Variants in MAEA observed in about 807,000 individuals in gnomAD.
The protein encoded by MAEA is macrophage erythroblast attacher, E3 ubiquitin ligase.
In MAEA, 22 loss-of-function variants were observed where a neutral mutation model predicts 46.2. The observed-to-expected ratio is 0.48, with a 90% CI of 0.34 to 0.68. The LOEUF (loss-of-function observed/expected upper bound fraction) is 0.68. MAEA is among the 30% of genes least tolerant of loss of function. The probability of loss-of-function intolerance (pLI) is 0.01; values close to 1 mark genes in which losing one functional copy is unlikely to be tolerated. For synonymous variants in MAEA, 246 were observed against 222.6 expected, an observed-to-expected ratio of 1.11 and a Z score of -0.94; for missense variants, 393 against 558.1, an observed-to-expected ratio of 0.70 and a Z score of 2.98.
intron 5 of MAEA, 59 bp from the exon 6 acceptor site, chr4:1,332,698 T>C (rs1049405901): frequency 7.4e-7 from 1 of 1,357,416 alleles, no homozygotes; most frequent in African/African-American, 1.4e-5. Context: ...AGTGAAACCC[T>C]GTCTCTAAAA....
intron 3 of MAEA, among the ~76,000 whole-genome samples, chr4:1,317,566 G>A (rs1336792801): frequency 2.0e-5 from 3 of 151,988 alleles, no homozygotes; most frequent in South Asian, 2.1e-4. Flanking sequence ...TGTGGTGTCC[G>A]TCCTGCCCTC....
At chr4:1,315,719 C>T (rs572521651) in intron 3 of MAEA, 119 bp downstream of exon 3, 5 of 819,796 alleles carry the variant, frequency 6.1e-6, no homozygotes, top group African/African-American at 3.7e-5. Flanking sequence ...CCCCTCCCCC[C>T]ACCCCCGTAT....
In MAEA at chr4:1,324,927, G is replaced by T. The variant is rs551724346; in HGVS notation, c.579+2424G>T. 4.6e-5 allele frequency among the ~76,000 whole-genome samples: 7 copies of T among 151,142 alleles called. No homozygotes were observed. In the South Asian group the frequency reaches 1.5e-3, roughly 32 times the overall value. On this transcript the variant is annotated intron_variant, in intron 4 of 8. Transcript: ENST00000303400. ...GAGCGTGCCTGGTGTTGGATGAGTT[G>T]AGATTGGATGAGCGTGCCTGGTGTT...
chr4:1,336,200 C>T (rs1486280257), intron 6 of MAEA, among the ~76,000 whole-genome samples: 5 of 150,860 alleles, frequency 3.3e-5, no homozygotes, highest in South Asian at 2.1e-4. Context: ...TTCCAGCACT[C>T]GTCCCGCAGA....
chr4:1,334,979 A>C, intron 6 of MAEA: 3 of 985,424 alleles, frequency 3.0e-6, no homozygotes, highest in Non-Finnish European at 3.6e-6. Context: ...AAGCTTACAG[A>C]GACTGATGGG....
chr4:1,291,745 CG>C (rs1560318126), intron 1 of MAEA, among the ~76,000 whole-genome samples: 1 of 152,132 alleles, frequency 6.6e-6, no homozygotes, highest in East Asian at 1.9e-4. Flanking sequence ...GGAAGGTCTC[CG>C]GAAAGGATTC....
At chr4:1,312,452 C>T in intron 2 of MAEA, 1 of 298,424 alleles carries the variant, frequency 3.4e-6, no homozygotes, top group South Asian at 3.0e-5. Flanking sequence ...TTTTTTGAGA[C>T]AGAGTCCCAC....
chr4:1,311,923 GC>G lies in MAEA; in HGVS notation c.70-55del. ...AGACCTGGTGTGTCCTGGGTGTGGGGCTGGTGGGGCTCACACCAGGGGAGCA... is the reference window on the plus strand; with the variant it reads ...AGACCTGGTGTGTCCTGGGTGTGGGGTGGTGGGGCTCACACCAGGGGAGCA... On this transcript the variant is annotated intron_variant, in intron 1 of 8. Coordinates refer to ENST00000303400, the MANE Select transcript of MAEA (RefSeq NM_001017405.3). The surrounding 1 kb of genome is among the most constrained non-coding windows in gnomAD (Gnocchi z 4.4). 6.6e-7 allele frequency: 1 copy of G among 1,506,556 alleles called. No individual in the cohort carries two copies. Among genetic ancestry groups the G allele is most frequent in the Non-Finnish European group, 9.1e-7 (1 of 1,097,550 alleles). 93.3% of individuals were successfully genotyped at this position (1,506,556 alleles called of 1,614,324 possible). A position where few individuals can be genotyped will look rare whatever the true frequency, so the allele number is the denominator to read the frequency against.
At chr4:1,330,538 A>G (rs1711617689) in intron 5 of MAEA, 2 of 108,188 alleles carry the variant, frequency 1.8e-5, no homozygotes, top group Non-Finnish European at 4.0e-5. Context: ...GCTGGTCTCA[A>G]ACTCCTGACC....
At chr4:1,336,759 C>T in intron 6 of MAEA, 102 bp from the exon 7 acceptor site, 5 of 1,125,098 alleles carry the variant, frequency 4.4e-6, no homozygotes, top group South Asian at 3.0e-5. Context: ...TGGGGGATGG[C>T]TGTGGGCCGA....
chr4:1,323,528 C>T (rs557984531), intron 4 of MAEA: 50 of 702,446 alleles, frequency 7.1e-5, no homozygotes, highest in African/African-American at 4.0e-4. Flanking sequence ...AAAGACGGGA[C>T]GAAAAAGTAG....
chr4:1,308,373 CAT>C lies in MAEA; in HGVS notation c.70-3605_70-3604del, dbSNP rs918383801. Among the ~76,000 whole-genome samples, 5 of 152,202 alleles carry C rather than the reference CAT, an allele frequency of 3.3e-5. No homozygotes were observed. In the East Asian group the frequency reaches 7.7e-4, roughly 23 times the overall value. ...CTTTCTTCATTCCCCTGGTGATGGACATGTGGGTGGCTTCTGCCTCGTGGCTG... is the reference window on the plus strand; with the variant it reads ...CTTTCTTCATTCCCCTGGTGATGGACGTGGGTGGCTTCTGCCTCGTGGCTG... On this transcript the variant is annotated intron_variant, in intron 1 of 8. Coordinates refer to ENST00000303400, the MANE Select transcript of MAEA (RefSeq NM_001017405.3).
intron 3 of MAEA, among the ~76,000 whole-genome samples, chr4:1,321,437 A>G (rs1012770170): frequency 1.3e-5 from 2 of 152,264 alleles, no homozygotes; most frequent in African/African-American, 4.8e-5. Context: ...GCAAACATGC[A>G]AGAAAATGCT....
intron 1 of MAEA, 48 bp downstream of exon 1, chr4:1,290,030 C>T (rs1314928078): frequency 1.4e-6 from 2 of 1,458,996 alleles, no homozygotes; most frequent in South Asian, 1.3e-5. Context: ...GCGTCTCCAG[C>T]CAGTGCCCTC....
intron 3 of MAEA, among the ~76,000 whole-genome samples, chr4:1,319,106 C>T (rs956540437): frequency 6.6e-6 from 1 of 152,214 alleles, no homozygotes; most frequent in Non-Finnish European, 1.5e-5. Flanking sequence ...AATCCTAGCA[C>T]TCTGGGAGGC....
intron 7 of MAEA, chr4:1,337,958 T>C (rs1713017739): frequency 5.8e-6 from 1 of 173,844 alleles, no homozygotes. Context: ...AGTGAGTGTT[T>C]CGCGATTGCT....
intron 3 of MAEA, among the ~76,000 whole-genome samples, chr4:1,321,476 TGAAA>T (rs1430130724): frequency 6.6e-6 from 1 of 152,090 alleles, no homozygotes; most frequent in East Asian, 1.9e-4. Context: ...CAAGAAATCA[TGAAA>T]GAAAAGGTGC....
At chr4:1,310,018 T>A in intron 1 of MAEA, 1 of 1,193,566 alleles carries the variant, frequency 8.4e-7, no homozygotes, top group Non-Finnish European at 1.0e-6. Context: ...CTGTGTGGGT[T>A]CCTCCGCGCG....
chr4:1,337,185 T>G, intron 7 of MAEA, 191 bp downstream of exon 7: 2 of 647,344 alleles, frequency 3.1e-6, no homozygotes, highest in Non-Finnish European at 5.2e-6. Flanking sequence ...GGATGCGTCG[T>G]GCAGCCTTCA....
Sources: gnomAD v4.1 joint callset for allele counts (sites outside exome capture counted in the v4.1 genomes callset) on GRCh38, gnomAD v4.1.1 for gene constraint, Gnocchi (gnomAD v3.1) non-coding constraint, MANE v1.5 for transcripts, NCBI Gene and HGNC (gene_info 2026-07-23, HGNC 2026-07-21) for gene names.